Variants in GIGYF2 observed in about 807,000 individuals in gnomAD.
GIGYF2 encodes GRB10 interacting GYF protein 2, also known as GRB10-interacting GYF protein 2.
A neutral mutation model predicts 208.1 loss-of-function variants in GIGYF2; 25 were observed. The observed-to-expected ratio is 0.12, with a 90% CI of 0.09 to 0.17. The LOEUF (loss-of-function observed/expected upper bound fraction) is 0.17, where lower values mean the gene tolerates loss of function less well. Among genes scored for constraint, GIGYF2 ranks in the 10% least tolerant of loss-of-function variants. The pLI, the probability that GIGYF2 is intolerant of heterozygous loss-of-function variation, is 1.00. For synonymous variants in GIGYF2, 534 were observed against 543.8 expected, an observed-to-expected ratio of 0.98 and a Z score of 0.25; for missense variants, 1,302 against 1,579.4, an observed-to-expected ratio of 0.82 and a Z score of 2.98.
At chr2:232,701,165 A>T (rs1019520348) in intron 1 of GIGYF2, among the ~76,000 whole-genome samples, 1 of 152,154 alleles carries the variant, frequency 6.6e-6, no homozygotes, top group Admixed American at 6.5e-5. Flanking sequence ...ACTTCATTTT[A>T]TAAAGGTATT....
intron 3 of GIGYF2, among the ~76,000 whole-genome samples, chr2:232,745,906 A>G (rs1436820849): frequency 2.0e-5 from 3 of 152,208 alleles, no homozygotes; most frequent in Non-Finnish European, 4.4e-5. Context: ...ATGAAATGCA[A>G]AAGACAGAAA....
At chr2:232,786,509 T>A (rs1699912419) in intron 8 of GIGYF2, among the ~76,000 whole-genome samples, 1 of 152,244 alleles carries the variant, frequency 6.6e-6, no homozygotes, top group Non-Finnish European at 1.5e-5. Context: ...AGTGCTGGGA[T>A]TATAGGCGTG....
chr2:232,740,947 ATGCT>A (rs781125738), intron 3 of GIGYF2, among the ~76,000 whole-genome samples: 2 of 152,196 alleles, frequency 1.3e-5, no homozygotes, highest in African/African-American at 2.4e-5. Flanking sequence ...ATTTTATCAA[ATGCT>A]TGCTGTGTTT....
In GIGYF2 at chr2:232,858,727, A is replaced by C. The variant is rs553839112; in HGVS notation, c.*1867A>C. ...AAAGCTCCAAGCACCCAAGACATGG[A>C]GGCAGCCATGGCTTCTTTCTCTGCC... On this transcript the variant is annotated 3_prime_UTR_variant, in exon 29 of 29. Transcript: ENST00000373563. The C allele has an allele frequency of 1.1e-5, 4 of 355,346 alleles. No homozygotes were observed. In the East Asian group the frequency reaches 3.0e-4, roughly 26 times the overall value. The allele number at this position is 355,346 out of a possible 1,614,324, so 22.0% of individuals were successfully genotyped here.
chr2:232,755,024 T>C (rs1220456285), intron 5 of GIGYF2, among the ~76,000 whole-genome samples: 1 of 151,990 alleles, frequency 6.6e-6, no homozygotes, highest in African/African-American at 2.4e-5. Flanking sequence ...AAAGTAGAAG[T>C]TTTTTAACGA....
intron 8 of GIGYF2, chr2:232,768,527 T>C (rs1699073607): frequency 6.2e-7 from 1 of 1,614,120 alleles, no homozygotes; most frequent in Non-Finnish European, 8.5e-7. Flanking sequence ...GAGGACTTGA[T>C]GGTGTAATGG....
At chr2:232,771,224 T>C in intron 8 of GIGYF2, 5 of 1,611,642 alleles carry the variant, frequency 3.1e-6, no homozygotes, top group Non-Finnish European at 4.2e-6. Flanking sequence ...TCCATTAGGA[T>C]TCCCCAAGCA....
At chr2:232,849,590 C>T (rs955296961) in intron 27 of GIGYF2, among the ~76,000 whole-genome samples, 1 of 152,196 alleles carries the variant, frequency 6.6e-6, no homozygotes, top group East Asian at 1.9e-4. Flanking sequence ...CACCCATGGG[C>T]GCACGCATAC....
intron 8 of GIGYF2, among the ~76,000 whole-genome samples, chr2:232,773,470 AT>A (rs200718448): frequency 7.0e-4 from 104 of 148,816 alleles, no homozygotes; most frequent in East Asian, 3.5e-3. Context: ...AAGCCAGTTA[AT>A]TTTTTTTTTT....
intron 5 of GIGYF2, among the ~76,000 whole-genome samples, chr2:232,752,032 C>A (rs551210745): frequency 6.6e-6 from 1 of 152,144 alleles, no homozygotes; most frequent in Non-Finnish European, 1.5e-5. Context: ...GTGATCACAG[C>A]GTCTTGATGC....
rs1913915 is a variant in GIGYF2, at chr2:232,754,412, T to C, written c.268-1811T>C. On this transcript the variant is annotated intron_variant, in intron 5 of 28. Transcript: ENST00000373563. ...TGGGCATTTAAATAATTTTTAGAAA[T>C]TGCCTTCTATAGAGATTATACTAGT... Among the ~76,000 whole-genome samples, 460 of 152,320 alleles carry C rather than the reference T, an allele frequency of 3.0e-3. 1 individual carries two copies. The highest frequency in any genetic ancestry group is 0.011 in the African/African-American group (445 of 41,572).
chr2:232,796,097 T>C lies in GIGYF2; in HGVS notation c.1515T>C (p.Ser505=), dbSNP rs1301780166. 1.9e-6 allele frequency: 3 copies of C among 1,611,060 alleles called. No homozygotes were observed. The highest frequency in any genetic ancestry group is 2.5e-6 in the Non-Finnish European group (3 of 1,177,236). Residue 505 remains serine (S), a synonymous_variant, in exon 14 of 29, where the codon AGT becomes AGC. Transcript: ENST00000373563. ...AAATGGTGGCTTATCTCCAAGACAG[T>C]GCACTAGATGATGAAAGATTGGCAT... The part of the protein sequence containing the change: ...AEKMVAYLQD[S]ALDDERLASK...
intron 3 of GIGYF2, among the ~76,000 whole-genome samples, chr2:232,743,907 C>T (rs753768328): frequency 1.3e-5 from 2 of 152,094 alleles, no homozygotes; most frequent in Admixed American, 6.6e-5. Context: ...TGCAGTGTTG[C>T]GATCATGGCT....
intron 1 of GIGYF2, among the ~76,000 whole-genome samples, chr2:232,697,595 G>A (rs1695653849): frequency 6.6e-6 from 1 of 152,236 alleles, no homozygotes; most frequent in Admixed American, 6.5e-5. Context: ...GTGCAGGGCC[G>A]GAGGGAGCCT....
chr2:232,836,521 A>G (rs1214999987), intron 22 of GIGYF2, among the ~76,000 whole-genome samples: 1 of 140,894 alleles, frequency 7.1e-6, no homozygotes, highest in South Asian at 2.3e-4. Flanking sequence ...GGCCAAAATC[A>G]TACCACTGCA....
At chr2:232,756,192 T>C in intron 5 of GIGYF2, 31 bp from the exon 6 acceptor site, 1 of 1,275,742 alleles carries the variant, frequency 7.8e-7, no homozygotes, top group Non-Finnish European at 1.1e-6. Context: ...TTTTTTCCTT[T>C]TTCTCTTTTT....
At chr2:232,710,692 CTTTTTTTTT>C (rs35154227) in intron 2 of GIGYF2, among the ~76,000 whole-genome samples, 1 of 113,978 alleles carries the variant, frequency 8.8e-6, no homozygotes, top group African/African-American at 3.3e-5. Context: ...TCTTGGTGTT[CTTTTTTTTT>C]TTTTTTTTTT....
At chr2:232,833,908 G>C (rs934909100) in intron 22 of GIGYF2, among the ~76,000 whole-genome samples, 2 of 150,952 alleles carry the variant, frequency 1.3e-5, no homozygotes, top group Non-Finnish European at 2.9e-5. Context: ...TAAGGAGAAA[G>C]TAAATACTGG....
Position 232,857,873 on chromosome 2 carries a change from C to T in GIGYF2, c.*1013C>T, listed in dbSNP as rs144834263. The T allele has an allele frequency of 8.8e-3, 1,337 of 152,640 alleles. 35 individuals are homozygous for T. The highest frequency in any genetic ancestry group is 0.054 in the Admixed American group (830 of 15,282). 9.5% of individuals were successfully genotyped at this position (152,640 alleles called of 1,614,324 possible). A position where few individuals can be genotyped will look rare whatever the true frequency, so the allele number is the denominator to read the frequency against. ...ATTGCGTGTGTGTCTTGCTGTAGCC[C>T]GGAAAAGGTTTTGTGTAAAGATTCT... On this transcript the variant is annotated 3_prime_UTR_variant, in exon 29 of 29. Transcript: ENST00000373563.
Sources: allele counts gnomAD v4.1 joint callset (sites outside exome capture counted in the v4.1 genomes callset), GRCh38; gene constraint gnomAD v4.1.1; transcripts MANE v1.5; gene names NCBI Gene and HGNC (gene_info 2026-07-23, HGNC 2026-07-21).